Variants in PTPRR observed in about 807,000 individuals in gnomAD.
PTPRR encodes the protein receptor-type tyrosine-protein phosphatase R.
In PTPRR, 38 loss-of-function variants were observed where a neutral mutation model predicts 77.2. The observed-to-expected ratio is 0.49, with a 90% CI of 0.38 to 0.65. PTPRR has a LOEUF of 0.65. PTPRR is among the 30% of genes least tolerant of loss of function. The pLI is 0.00. For missense variants in PTPRR, 744 were observed against 799.2 expected (o/e 0.93, Z 0.83); for synonymous variants, 299 against 283.1 (o/e 1.06, Z -0.57).
At chr12:70,875,016 C>G (rs1243339008) in intron 2 of PTPRR, among the ~76,000 whole-genome samples, 1 of 151,086 alleles carries the variant, frequency 6.6e-6, no homozygotes, top group African/African-American at 2.4e-5. Context: ...GTACAAAGAT[C>G]TTTTTATAAC....
chr12:70,762,656 T>G (rs1393321131), intron 3 of PTPRR, among the ~76,000 whole-genome samples: 3 of 152,240 alleles, frequency 2.0e-5, no homozygotes, highest in Non-Finnish European at 4.4e-5. Context: ...CTATTTACCT[T>G]AAATCTTTTA....
intron 1 of PTPRR, among the ~76,000 whole-genome samples, chr12:70,903,680 G>A (rs1349219609): frequency 6.6e-6 from 1 of 151,744 alleles, no homozygotes; most frequent in Non-Finnish European, 1.5e-5. Flanking sequence ...TTAGGCAAAG[G>A]TTCCTTGGAC....
intron 2 of PTPRR, among the ~76,000 whole-genome samples, chr12:70,885,000 T>G (rs1291274801): frequency 6.6e-6 from 1 of 152,112 alleles, no homozygotes; most frequent in Non-Finnish European, 1.5e-5. Flanking sequence ...CATTCTCTTT[T>G]TTTGTTCTGT....
intron 10 of PTPRR, among the ~76,000 whole-genome samples, chr12:70,668,362 C>T (rs1887090816): frequency 6.6e-6 from 1 of 152,098 alleles, no homozygotes; most frequent in Non-Finnish European, 1.5e-5. Flanking sequence ...TCAGTGTTCT[C>T]ATTTGTAATG....
chr12:70,689,846 G>A (rs571510561), intron 8 of PTPRR, among the ~76,000 whole-genome samples: 2 of 152,306 alleles, frequency 1.3e-5, no homozygotes, highest in South Asian at 4.1e-4. Flanking sequence ...TCGTCTCCTA[G>A]TAGTCACCAT....
chr12:70,874,632 A>C (rs1166482112), intron 2 of PTPRR, among the ~76,000 whole-genome samples: 1 of 152,166 alleles, frequency 6.6e-6, no homozygotes, highest in Non-Finnish European at 1.5e-5. Flanking sequence ...TTTTGTTAAA[A>C]AGCAACCTCG....
chr12:70,823,106 CTG>C (rs1491580439), intron 2 of PTPRR, among the ~76,000 whole-genome samples: 147 of 115,812 alleles, frequency 1.3e-3, no homozygotes, highest in Admixed American at 5.1e-3. Context: ...GTCTCTCTCT[CTG>C]ACACACACAC....
Position 70,701,222 on chromosome 12 carries a change from T to C in PTPRR, c.1109A>G (p.Tyr370Cys). The change falls in exon 7 of 14, where the codon TAT (tyrosine) becomes TGT (cysteine). Residue 370 changes from tyrosine to cysteine, a missense_variant. Transcript: ENST00000283228. ...GAGAATTCGGCTGGCTGACTGCAGA[T>C]ACTCCATTGCTACCTTCTCCCGTGG... is the stretch of plus-strand genomic sequence containing the variant. Reference protein sequence around the residue: ...PTPREKVAMEYLQSASRILTR... With the variant: ...PTPREKVAMECLQSASRILTR... The C allele has an allele frequency of 1.2e-6, 2 of 1,614,030 alleles. No homozygotes were observed. The highest frequency in any genetic ancestry group is 8.5e-7 in the Non-Finnish European group (1 of 1,179,954).
At chr12:70,677,746 G>A (rs1010371142) in intron 10 of PTPRR, among the ~76,000 whole-genome samples, 10 of 152,096 alleles carry the variant, frequency 6.6e-5, no homozygotes, top group African/African-American at 2.4e-4. Flanking sequence ...TTGCATCCCT[G>A]GGATGAATTC....
At chr12:70,908,206 C>T (rs1470312659) in intron 1 of PTPRR, among the ~76,000 whole-genome samples, 6 of 151,946 alleles carry the variant, frequency 3.9e-5, no homozygotes, top group Admixed American at 3.3e-4. Flanking sequence ...CATAGCAAAA[C>T]GAACATTAGA....
chr12:70,745,886 G>GATC lies in PTPRR; in HGVS notation c.936_938dup (p.Glu312_Ile313insMet). ...AAACAGAGGTAGCGGTGGTAGCTTT[G>GATC]ATCTCAGGAGCACCTCGGCCTTGAG... is the stretch of plus-strand genomic sequence containing the variant. On this transcript the variant is annotated inframe_insertion, in exon 6 of 14. Transcript: ENST00000283228. 6.2e-7 allele frequency: 1 copy of GATC among 1,613,992 alleles called. No individual in the cohort carries two copies. The highest frequency in any genetic ancestry group is 8.5e-7 in the Non-Finnish European group (1 of 1,179,988).
intron 2 of PTPRR, among the ~76,000 whole-genome samples, chr12:70,808,959 G>A (rs891872472): frequency 2.0e-5 from 3 of 152,042 alleles, no homozygotes; most frequent in African/African-American, 4.8e-5. Flanking sequence ...ATTTCTTTCT[G>A]TTTGATTTAG....
intron 2 of PTPRR, among the ~76,000 whole-genome samples, chr12:70,805,428 G>T (rs1045839534): frequency 6.6e-6 from 1 of 152,098 alleles, no homozygotes; most frequent in Non-Finnish European, 1.5e-5. Flanking sequence ...CCTGGAGTCA[G>T]CTATGATCCT....
chr12:70,858,012 TTCTTGACATTATATTC>T (rs1892682217), intron 2 of PTPRR, among the ~76,000 whole-genome samples: 1 of 152,000 alleles, frequency 6.6e-6, no homozygotes, highest in Non-Finnish European at 1.5e-5. Flanking sequence ...GTGCCCCAGT[TTCTTGACATTATATTC>T]TCTCTGCACC....
At chr12:70,820,060 G>A (rs1437691701) in intron 2 of PTPRR, among the ~76,000 whole-genome samples, 1 of 152,172 alleles carries the variant, frequency 6.6e-6, no homozygotes. Context: ...TAATATGAAA[G>A]AAATGTAACA....
At position 70,888,909 on chromosome 12, in the gene PTPRR, A is replaced by C. The variant is rs572177868; in HGVS notation, c.357+3770T>G. On this transcript the variant is annotated intron_variant, in intron 2 of 13. Coordinates refer to ENST00000283228, the MANE Select transcript of PTPRR (RefSeq NM_002849.4). Reference sequence around the variant, plus strand: ...GACTTTTCAGGGTCAAAATATAAAGAATTCAATAGGTTGTACTAAAGCATC... The same window carrying C: ...GACTTTTCAGGGTCAAAATATAAAGCATTCAATAGGTTGTACTAAAGCATC... Among the ~76,000 whole-genome samples, 14 of 152,324 alleles carry C rather than the reference A, an allele frequency of 9.2e-5. No individual in the cohort carries two copies. The South Asian group carries it at 2.5e-3, about 27-fold the overall frequency.
intron 12 of PTPRR, among the ~76,000 whole-genome samples, chr12:70,660,733 G>A (rs776605220): frequency 8.5e-5 from 13 of 152,162 alleles, no homozygotes; most frequent in Non-Finnish European, 1.9e-4. Context: ...TGTAATTGTT[G>A]TTTGTGAAAA....
At chr12:70,813,019 C>A (rs756716035) in intron 2 of PTPRR, among the ~76,000 whole-genome samples, 1 of 152,138 alleles carries the variant, frequency 6.6e-6, no homozygotes, top group Non-Finnish European at 1.5e-5. Flanking sequence ...TAGAACTCTC[C>A]GACATAATTT....
chr12:70,658,844 G>A (rs888704516), intron 12 of PTPRR, among the ~76,000 whole-genome samples: 3 of 144,362 alleles, frequency 2.1e-5, no homozygotes, highest in Non-Finnish European at 4.5e-5. Context: ...TGACCTCTGC[G>A]GTTTATGGAT....
Sources: allele counts gnomAD v4.1 joint callset (sites outside exome capture counted in the v4.1 genomes callset), GRCh38; gene constraint gnomAD v4.1.1; transcripts MANE v1.5; gene names NCBI Gene and HGNC (gene_info 2026-07-23, HGNC 2026-07-21).